The following WWOX variants were observed in gnomAD, a reference collection of about 807,000 sequenced individuals.
WWOX encodes the protein WW domain containing oxidoreductase.
Under a neutral mutation model 46.2 loss-of-function variants are expected in WWOX, and 69 were observed. That is an observed-to-expected ratio of 1.49 (90% CI 1.23 to 1.82). WWOX has a LOEUF of 1.82. WWOX is among the 40% of genes most tolerant of loss of function. The probability of loss-of-function intolerance (pLI) is 0.00; values close to 1 mark genes in which losing one functional copy is unlikely to be tolerated. For missense variants in WWOX, 919 were observed against 542.6 expected (o/e 1.69, Z -6.89); for synonymous variants, 359 against 202.6 (o/e 1.77, Z -6.56).
At chr16:79,185,731 G>A (rs1193830314) in intron 8 of WWOX, among the ~76,000 whole-genome samples, 1 of 152,146 alleles carries the variant, frequency 6.6e-6, no homozygotes, top group African/African-American at 2.4e-5. Context: ...AGAGAAGGTG[G>A]CAGGTTAAAG....
chr16:78,666,389 G>A (rs2047333695), intron 8 of WWOX, among the ~76,000 whole-genome samples: 1 of 152,140 alleles, frequency 6.6e-6, no homozygotes, highest in African/African-American at 2.4e-5. Context: ...TGCCTAGAGG[G>A]ATCCCAGTTT....
intron 8 of WWOX, among the ~76,000 whole-genome samples, chr16:78,437,693 T>C (rs959107273): frequency 6.6e-6 from 1 of 152,202 alleles, no homozygotes. Flanking sequence ...ACTTGGAAAG[T>C]GAGTTATTTT....
At chr16:78,667,072 A>G (rs1290973242) in intron 8 of WWOX, among the ~76,000 whole-genome samples, 1 of 152,180 alleles carries the variant, frequency 6.6e-6, no homozygotes, top group East Asian at 1.9e-4. Context: ...AGTTTTGAGT[A>G]TCGGATCTTT....
chr16:78,335,516 C>G (rs1484923312), intron 5 of WWOX, among the ~76,000 whole-genome samples: 2 of 152,096 alleles, frequency 1.3e-5, no homozygotes, highest in African/African-American at 4.8e-5. Context: ...TTTTCTTCAT[C>G]CTATCATTTA....
At chr16:79,076,589 G>A (rs894008767) in intron 8 of WWOX, among the ~76,000 whole-genome samples, 3 of 152,140 alleles carry the variant, frequency 2.0e-5, no homozygotes, top group Admixed American at 1.3e-4. Flanking sequence ...GCCTATCCAG[G>A]CCCCTTCATG....
chr16:78,966,925 G>T (rs1237336881), intron 8 of WWOX, among the ~76,000 whole-genome samples: 5 of 152,152 alleles, frequency 3.3e-5, no homozygotes, highest in Non-Finnish European at 7.3e-5. Flanking sequence ...AAAAGCGTCT[G>T]CGTTGTGTCT....
At chr16:78,663,813 A>G (rs1198421403) in intron 8 of WWOX, among the ~76,000 whole-genome samples, 1 of 152,176 alleles carries the variant, frequency 6.6e-6, no homozygotes, top group Non-Finnish European at 1.5e-5. Context: ...CAGCAAAGAA[A>G]ATCTCAAGCA....
At position 78,115,064 on chromosome 16, in the gene WWOX, T is replaced by G. The variant is rs2151674746; in HGVS notation, c.319T>G (p.Tyr107Asp). Reference sequence around the variant, plus strand: ...GACCAAGCCAACCACCCGGCAAAGATACGACGGCAGCACCACTGCCATGGA... The same window carrying G: ...GACCAAGCCAACCACCCGGCAAAGAGACGACGGCAGCACCACTGCCATGGA... ...NPTKPTTRQR[Y>D]DGSTTAMEIL... is the part of the protein sequence containing the mutation. Residue 107 changes from tyrosine (Y) to aspartate (D), a missense_variant, in exon 4 of 9, where the codon TAC (tyrosine) becomes GAC (aspartate). By Grantham distance (160) the Tyr-to-Asp change is radical. Transcript: ENST00000566780. The G allele has an allele frequency of 6.2e-7, 1 of 1,614,186 alleles. No homozygotes were observed. The highest frequency in any genetic ancestry group is 8.5e-7 in the Non-Finnish European group (1 of 1,180,030).
At chr16:78,699,395 C>G (rs1218596077) in intron 8 of WWOX, among the ~76,000 whole-genome samples, 1 of 150,760 alleles carries the variant, frequency 6.6e-6, no homozygotes. Context: ...AAAAATTAGC[C>G]AGGCGTGGTA....
chr16:78,501,422 C>G lies in WWOX; in HGVS notation c.1056+68670C>G, dbSNP rs371845356. ...GTGAATGTGTAAGAAATTGAGACAG[C>G]CTGCAAAATAGCTCACCCAGCTTTT... is the stretch of plus-strand genomic sequence containing the variant. On this transcript the variant is annotated intron_variant, in intron 8 of 8. Transcript: ENST00000566780. Among the ~76,000 whole-genome samples the G allele has an allele frequency of 2.6e-5, 4 of 152,080 alleles. No individual in the cohort carries two copies. In the South Asian group the frequency reaches 8.3e-4, roughly 32 times the overall value.
At chr16:78,429,607 T>G (rs1177664285) in intron 7 of WWOX, among the ~76,000 whole-genome samples, 1 of 152,162 alleles carries the variant, frequency 6.6e-6, no homozygotes, top group African/African-American at 2.4e-5. Flanking sequence ...TAAATCCTTG[T>G]CCCTGTTGTC....
chr16:79,152,199 C>G (rs1308469279), intron 8 of WWOX, among the ~76,000 whole-genome samples: 1 of 152,168 alleles, frequency 6.6e-6, no homozygotes, highest in African/African-American at 2.4e-5. Context: ...CGAGGCGAGG[C>G]CCTGAGGAGC....
intron 8 of WWOX, among the ~76,000 whole-genome samples, chr16:78,972,478 A>T (rs781112157): frequency 1.3e-4 from 20 of 152,128 alleles, no homozygotes; most frequent in Middle Eastern, 3.4e-3. Flanking sequence ...GTGAAAAAAA[A>T]AAAAAATAAA....
At chr16:78,935,305 G>A (rs1438618212) in intron 8 of WWOX, among the ~76,000 whole-genome samples, 2 of 152,126 alleles carry the variant, frequency 1.3e-5, no homozygotes, top group South Asian at 2.1e-4. Flanking sequence ...ACATGCACAT[G>A]TATGTTTATT....
intron 8 of WWOX, chr16:79,206,867 T>A (rs2051529679): frequency 6.6e-6 from 1 of 152,184 alleles, no homozygotes; most frequent in Non-Finnish European, 1.5e-5. Flanking sequence ...CAAATGCAAT[T>A]TGTGGCAAAT....
At chr16:78,386,771 A>G in intron 5 of WWOX, 89 bp from the exon 6 acceptor site, 1 of 1,175,326 alleles carries the variant, frequency 8.5e-7, no homozygotes, top group Non-Finnish European at 1.3e-6. Flanking sequence ...GGGAATTCCG[A>G]CATGTTCCAT....
chr16:78,143,013 A>G (rs1171705473), intron 4 of WWOX, among the ~76,000 whole-genome samples: 2 of 152,182 alleles, frequency 1.3e-5, no homozygotes, highest in South Asian at 2.1e-4. Flanking sequence ...AAAACAACAC[A>G]TTTGTCAGTT....
At chr16:78,462,748 G>T (rs548303429) in intron 8 of WWOX, among the ~76,000 whole-genome samples, 1 of 152,230 alleles carries the variant, frequency 6.6e-6, no homozygotes, top group Non-Finnish European at 1.5e-5. Context: ...GTTACTGTCA[G>T]TTGTTGTAAA....
intron 8 of WWOX, among the ~76,000 whole-genome samples, chr16:79,180,782 C>A (rs1190963201): frequency 6.6e-6 from 1 of 151,918 alleles, no homozygotes; most frequent in East Asian, 1.9e-4. Flanking sequence ...TTCATCAATC[C>A]ATTTATCCAC....
Sources: allele counts gnomAD v4.1 joint callset (sites outside exome capture counted in the v4.1 genomes callset), GRCh38; gene constraint gnomAD v4.1.1; transcripts MANE v1.5; gene names NCBI Gene and HGNC (gene_info 2026-07-23, HGNC 2026-07-21).